Variants in OTOF observed in about 807,000 individuals in gnomAD.
OTOF encodes the protein otoferlin.
OTOF carries 218 observed loss-of-function variants against 236.8 expected under a neutral mutation model. The ratio of observed to expected loss-of-function variants is 0.92; its 90% CI spans 0.82 to 1.03. The LOEUF is 1.03. Ranked by LOEUF, OTOF falls within the 50% of genes least tolerant of loss-of-function variation. OTOF has a pLI of 0.00. For missense variants in OTOF, 2,590 were observed against 2,694.4 expected, an observed-to-expected ratio of 0.96 and a Z score of 0.86; for synonymous variants, 1,041 against 1,072.5, an observed-to-expected ratio of 0.97 and a Z score of 0.57.
chr2:26,513,465 G>C (rs1666440667), intron 5 of OTOF, among the ~76,000 whole-genome samples: 1 of 152,142 alleles, frequency 6.6e-6, no homozygotes, highest in South Asian at 2.1e-4. Context: ...GGGCCTGTCT[G>C]GGCTGAGGCT....
intron 4 of OTOF, among the ~76,000 whole-genome samples, chr2:26,516,875 T>C (rs530491117): frequency 6.6e-6 from 1 of 152,266 alleles, no homozygotes; most frequent in East Asian, 1.9e-4. Flanking sequence ...TGGAGGGGCC[T>C]GGCCTGCCCA....
chr2:26,508,005 A>T (rs527441466), intron 5 of OTOF, among the ~76,000 whole-genome samples: 1 of 152,266 alleles, frequency 6.6e-6, no homozygotes, highest in South Asian at 2.1e-4. Context: ...ACATTCACCA[A>T]ACTAAATTTA....
intron 5 of OTOF, among the ~76,000 whole-genome samples, chr2:26,511,014 G>A (rs1224861581): frequency 6.6e-6 from 1 of 152,246 alleles, no homozygotes; most frequent in African/African-American, 2.4e-5. Flanking sequence ...CCCAAGCTCT[G>A]ATACCTCAGG....
chr2:26,463,829 G>C, intron 40 of OTOF, 135 bp downstream of exon 40: 4 of 1,208,114 alleles, frequency 3.3e-6, no homozygotes, highest in Non-Finnish European at 4.9e-6. Context: ...GAGGGGCCTT[G>C]GTGGGAAGGT....
chr2:26,483,145 ATG>A (rs1227000402), intron 13 of OTOF, among the ~76,000 whole-genome samples: 3 of 128,314 alleles, frequency 2.3e-5, no homozygotes, highest in African/African-American at 9.0e-5. Context: ...GCGTGTCTGC[ATG>A]TGTGAGTTGG....
chr2:26,519,836 C>A (rs541506847), intron 3 of OTOF, among the ~76,000 whole-genome samples: 1 of 152,174 alleles, frequency 6.6e-6, no homozygotes, highest in Non-Finnish European at 1.5e-5. Flanking sequence ...AGATCATCTG[C>A]GAGTGTTCTT....
chr2:26,460,279 A>G lies in OTOF; in HGVS notation c.5814-74T>C. Reference sequence around the variant, plus strand: ...GGATTGGGTGTGGCGAGGGGCCAAGACCAAGAGGGAAGCTGTCCTGGGCTG... The same window carrying G: ...GGATTGGGTGTGGCGAGGGGCCAAGGCCAAGAGGGAAGCTGTCCTGGGCTG... On this transcript the variant is annotated intron_variant, in intron 45 of 46. Transcript: ENST00000272371. The surrounding 1 kb of genome is among the most constrained non-coding windows in gnomAD (Gnocchi z 5.3). 1 of 1,229,842 alleles carries G rather than the reference A, an allele frequency of 8.1e-7. No homozygotes were observed. The highest frequency in any genetic ancestry group is 1.3e-5 in the South Asian group (1 of 76,970). The allele number at this position is 1,229,842 out of a possible 1,614,324, so 76.2% of individuals were successfully genotyped here. A position where few individuals can be genotyped will look rare whatever the true frequency, so the allele number is the denominator to read the frequency against.
At chr2:26,548,365 T>C (rs28884226) in intron 1 of OTOF, among the ~76,000 whole-genome samples, 5,871 of 152,254 alleles carry the variant, frequency 0.039, 367 homozygotes, top group African/African-American at 0.13. Context: ...CCTTCTAAAG[T>C]GCACAGTTCA....
intron 32 of OTOF, among the ~76,000 whole-genome samples, chr2:26,469,528 T>C (rs1664885072): frequency 6.6e-6 from 1 of 152,262 alleles, no homozygotes; most frequent in South Asian, 2.1e-4. Flanking sequence ...GTGGAAGTCA[T>C]ATGTGCAGCT....
At chr2:26,475,067 C>T (rs955003095) in intron 25 of OTOF, among the ~76,000 whole-genome samples, 2 of 152,052 alleles carry the variant, frequency 1.3e-5, no homozygotes, top group Admixed American at 1.3e-4. Context: ...GGTCGGGGAG[C>T]CCTGGGGTGG....
intron 1 of OTOF, among the ~76,000 whole-genome samples, chr2:26,540,123 G>A (rs1667175145): frequency 1.3e-5 from 2 of 152,150 alleles, no homozygotes; most frequent in Admixed American, 1.3e-4. Context: ...TAGTAGAGAT[G>A]GGGTTTCGCA....
In OTOF at chr2:26,480,839, C is replaced by T. The variant is rs751736583; in HGVS notation, c.1750G>A (p.Glu584Lys). ...TGCACCTCTGTGGAGCTGGTGAGCT[C>T]AGGGTTGGAGGTGTCTACGATCTCC... Reference protein sequence around the residue: ...AVEIVDTSNPELTSSTEVQVE... With the variant: ...AVEIVDTSNPKLTSSTEVQVE... The change falls in exon 15 of 47, where the codon GAG becomes AAG. Residue 584 changes from glutamate to lysine, a missense_variant. This residue lies in a region of OTOF where 1,379 missense variants were observed against 1,341.6 expected (regional missense o/e 1.03). Coordinates refer to ENST00000272371, the MANE Select transcript of OTOF (RefSeq NM_194248.3). 3 of 1,612,746 alleles carry T rather than the reference C, an allele frequency of 1.9e-6. No homozygotes were observed. The highest frequency in any genetic ancestry group is 2.5e-6 in the Non-Finnish European group (3 of 1,179,942).
At chr2:26,471,187 C>A (rs1182336433) in intron 30 of OTOF, 37 bp from the exon 31 acceptor site, 1 of 1,613,318 alleles carries the variant, frequency 6.2e-7, no homozygotes, top group Non-Finnish European at 8.5e-7. Context: ...CAGAATCAGC[C>A]ACTGGGGCCT....
At chr2:26,518,648 T>A (rs933396640) in intron 4 of OTOF, among the ~76,000 whole-genome samples, 1 of 152,284 alleles carries the variant, frequency 6.6e-6, no homozygotes, top group African/African-American at 2.4e-5. Flanking sequence ...GAGCCAGATG[T>A]GCAGAGTGAA....
In OTOF at chr2:26,467,067, T is replaced by A. The variant is rs746419320; in HGVS notation, c.4362+32A>T. 19 of 1,606,184 alleles carry A rather than the reference T, an allele frequency of 1.2e-5. No homozygotes were observed. The East Asian group carries it at 4.0e-4, about 34-fold the overall frequency. ...TGTGGGGGGGGCAAGGGCTGGCGGG[T>A]GCTCAGGCTGGGCCCGTGCTCCTGG... On this transcript the variant is annotated intron_variant, in intron 35 of 46. Coordinates refer to ENST00000272371, the MANE Select transcript of OTOF (RefSeq NM_194248.3).
chr2:26,509,168 C>G (rs1666321299), intron 5 of OTOF, among the ~76,000 whole-genome samples: 1 of 152,206 alleles, frequency 6.6e-6, no homozygotes, highest in African/African-American at 2.4e-5. Context: ...TCGCTGATCT[C>G]AGGCAGAGAA....
intron 12 of OTOF, 42 bp from the exon 13 acceptor site, chr2:26,483,690 G>A (rs2148060719): frequency 1.3e-6 from 2 of 1,582,078 alleles, no homozygotes; most frequent in East Asian, 4.5e-5. Flanking sequence ...CCAGGTCCAG[G>A]TCCCCAACCC....
chr2:26,471,039 T>C, intron 31 of OTOF, 82 bp downstream of exon 31: 1 of 1,547,706 alleles, frequency 6.5e-7, no homozygotes, highest in African/African-American at 1.4e-5. Flanking sequence ...GCTCTGTCCC[T>C]GATGCTGGAC....
chr2:26,482,658 T>TGTGAGTGGGCGCATGTGTGC (rs1558490783), intron 13 of OTOF, 66 bp from the exon 14 acceptor site: 15 of 1,385,132 alleles, frequency 1.1e-5, no homozygotes, highest in South Asian at 8.3e-5. Context: ...TGTGTGTGTG[T>TGTGAGTGGGCGCATGTGTGC]GTGAGTGGGC....
Sources: allele counts gnomAD v4.1 joint callset (sites outside exome capture counted in the v4.1 genomes callset), GRCh38; gene constraint gnomAD v4.1.1; regional missense constraint gnomAD v4.1.1; non-coding constraint Gnocchi (gnomAD v3.1); transcripts MANE v1.5; gene names NCBI Gene and HGNC (gene_info 2026-07-23, HGNC 2026-07-21).